RFPL1: variants seen among roughly 807,000 people sequenced by gnomAD.
The protein encoded by RFPL1 is ret finger protein like 1.
Under a neutral mutation model 9.6 loss-of-function variants are expected in RFPL1, and 6 were observed. The observed-to-expected ratio is 0.62, with a 90% confidence interval of 0.34 to 1.23. RFPL1 has a LOEUF of 1.23. Among genes scored for constraint, RFPL1 ranks in the 50% most tolerant of loss-of-function variants. The probability of loss-of-function intolerance (pLI) is 0.03; values close to 1 mark genes in which losing one functional copy is unlikely to be tolerated. For synonymous variants in RFPL1, 145 were observed against 149.4 expected (o/e 0.97, Z 0.22); for missense variants, 352 against 398.4 (o/e 0.88, Z 0.99).
intron 1 of RFPL1, chr22:29,440,875 A>G (rs2062835266): frequency 6.6e-6 from 1 of 152,412 alleles, no homozygotes; most frequent in Non-Finnish European, 1.5e-5. Flanking sequence ...GCGCTCAGCC[A>G]ACAAACAACT....
the RFPL1 span, among the ~76,000 whole-genome samples, chr22:29,388,015 G>GC: frequency 6.6e-6 from 1 of 151,756 alleles, no homozygotes; most frequent in Non-Finnish European, 1.5e-5. Flanking sequence ...CCGTTTTCTA[G>GC]TTTTTTTTTC....
the RFPL1 span, among the ~76,000 whole-genome samples, chr22:29,420,202 A>C: frequency 6.6e-6 from 1 of 152,240 alleles, no homozygotes; most frequent in Non-Finnish European, 1.5e-5. Context: ...TCAAGCATGA[A>C]ATCAATTGTT....
chr22:29,398,444 G>A, the RFPL1 span, among the ~76,000 whole-genome samples: 260 of 152,282 alleles, frequency 1.7e-3, 3 homozygotes, highest in South Asian at 2.3e-3. Context: ...ATATCCCCAC[G>A]GGGCAGGCAC....
At chr22:29,434,402 T>C (rs2062798974), upstream of RFPL1, 1 of 153,952 alleles carries the variant, frequency 6.5e-6, no homozygotes, top group Non-Finnish European at 1.5e-5. Context: ...TGCAGGGAAG[T>C]TTCTATTTGC....
upstream of RFPL1, among the ~76,000 whole-genome samples, chr22:29,434,212 T>C (rs1349826759): frequency 3.3e-5 from 5 of 152,206 alleles, no homozygotes; most frequent in African/African-American, 1.2e-4. Context: ...ATATCTATAT[T>C]TGAACAGAGT....
the RFPL1 span, among the ~76,000 whole-genome samples, chr22:29,397,685 A>G: frequency 6.6e-6 from 1 of 152,024 alleles, no homozygotes; most frequent in African/African-American, 2.4e-5. Flanking sequence ...GTGAGTGTTA[A>G]CCCCCATTCT....
intron 1 of RFPL1, chr22:29,439,485 T>G: frequency 3.7e-6 from 1 of 270,830 alleles, no homozygotes; most frequent in Non-Finnish European, 7.0e-6. Flanking sequence ...TACAAAAAAT[T>G]AGCCAGGCTT....
the RFPL1 span, among the ~76,000 whole-genome samples, chr22:29,387,963 C>T: frequency 6.6e-6 from 1 of 152,238 alleles, no homozygotes; most frequent in Non-Finnish European, 1.5e-5. Flanking sequence ...CTCCAACAAA[C>T]AAGACCAAGC....
chr22:29,406,149 A>G, the RFPL1 span, among the ~76,000 whole-genome samples: 7 of 136,034 alleles, frequency 5.1e-5, no homozygotes, highest in South Asian at 7.4e-4. Context: ...AAAAAAAATA[A>G]AAAAAAAGAA....
chr22:29,442,373 C>G, exon 2 of RFPL1: 1 of 330,834 alleles, frequency 3.0e-6, no homozygotes. Context: ...ATTCTGGGAT[C>G]AATTTCCAAA....
chr22:29,407,982 T>C, the RFPL1 span, among the ~76,000 whole-genome samples: 8 of 152,254 alleles, frequency 5.3e-5, 1 homozygote, highest in African/African-American at 1.9e-4. Context: ...ATTATGAATT[T>C]AGACATTTCT....
the RFPL1 span, among the ~76,000 whole-genome samples, chr22:29,393,236 A>G: frequency 6.6e-6 from 1 of 152,190 alleles, no homozygotes; most frequent in East Asian, 1.9e-4. Context: ...TTAACTCATT[A>G]AACTTTCCCA....
chr22:29,427,213 G>A, the RFPL1 span, among the ~76,000 whole-genome samples: 2 of 152,248 alleles, frequency 1.3e-5, no homozygotes, highest in African/African-American at 4.8e-5. Context: ...CAGGACTGAT[G>A]AGGAGGGCTG....
the RFPL1 span, among the ~76,000 whole-genome samples, chr22:29,428,643 A>G: frequency 2.8e-4 from 42 of 152,324 alleles, no homozygotes; most frequent in African/African-American, 9.9e-4. Context: ...CATATTAAGT[A>G]ATCTTCTCAG....
the RFPL1 span, among the ~76,000 whole-genome samples, chr22:29,411,497 G>A: frequency 3.3e-4 from 28 of 85,924 alleles, no homozygotes; most frequent in African/African-American, 2.1e-3. Flanking sequence ...GCCCTAGTAG[G>A]ATTCATGCAT....
At chr22:29,394,305 C>T in the RFPL1 span, among the ~76,000 whole-genome samples, 3 of 152,258 alleles carry the variant, frequency 2.0e-5, no homozygotes, top group African/African-American at 7.2e-5. Context: ...AGGCCTGTGC[C>T]ACCACTCCTG....
chr22:29,423,250 T>G, the RFPL1 span: 1 of 1,276,180 alleles, frequency 7.8e-7, no homozygotes. Flanking sequence ...TCAGTTATGG[T>G]GCAGAGGGAG....
At chr22:29,425,393 T>C in the RFPL1 span, among the ~76,000 whole-genome samples, 9 of 152,264 alleles carry the variant, frequency 5.9e-5, no homozygotes, top group East Asian at 5.8e-4. Context: ...CAGTTCCAGC[T>C]TGGGGAGGCC....
chr22:29,400,699 G>A, the RFPL1 span, among the ~76,000 whole-genome samples: 3 of 152,098 alleles, frequency 2.0e-5, no homozygotes, highest in Admixed American at 1.3e-4. Flanking sequence ...ACTTTTAGGA[G>A]GAGAAGCCCT....
Sources: gnomAD v4.1 joint callset for allele counts (sites outside exome capture counted in the v4.1 genomes callset) on GRCh38, gnomAD v4.1.1 for gene constraint, MANE v1.5 for transcripts, NCBI Gene and HGNC (gene_info 2026-07-23, HGNC 2026-07-21) for gene names.